PIGB: variants seen among roughly 807,000 people sequenced by gnomAD.
PIGB encodes phosphatidylinositol glycan anchor biosynthesis class B.
Under a neutral mutation model 68.4 loss-of-function variants are expected in PIGB, and 58 were observed. That is an observed-to-expected ratio of 0.85 (90% confidence interval 0.69 to 1.06). The LOEUF is 1.06. PIGB is among the 50% of genes least tolerant of loss of function. The pLI, the probability that PIGB is intolerant of heterozygous loss-of-function variation, is 0.00. For missense variants in PIGB, 634 were observed against 655.8 expected, an observed-to-expected ratio of 0.97 and a Z score of 0.36; for synonymous variants, 219 against 220.5, an observed-to-expected ratio of 0.99 and a Z score of 0.06.
intron 10 of PIGB, among the ~76,000 whole-genome samples, chr15:55,352,051 C>T (rs1159830794): frequency 2.0e-5 from 3 of 150,168 alleles, no homozygotes; most frequent in African/African-American, 7.3e-5. Flanking sequence ...CGGGTTCAAG[C>T]GATTCTCCTG....
At chr15:55,319,599 A>C in intron 1 of PIGB, 186 bp downstream of exon 1, 1 of 535,746 alleles carries the variant, frequency 1.9e-6, no homozygotes, top group Non-Finnish European at 3.2e-6. Context: ...AACTAAATTC[A>C]ATTTTTTAAA....
rs768711238 is a variant in PIGB at position 55,340,760 on chromosome 15, AT to A, written c.996del (p.Leu333Ter). On this transcript the variant is annotated frameshift_variant, in exon 8 of 12. Transcript: ENST00000164305. LOFTEE classifies it high-confidence loss of function. ...THLPFFIHGC[Y>X]LAPKRYRILL... ...TTACCCTTCTTTATTCATGGCTGCT[AT>A]CTAGCACCAAAGAGATACCGGATAC... 6.2e-7 allele frequency: 1 copy of A among 1,611,296 alleles called. No individual in the cohort carries two copies. Among genetic ancestry groups the A allele is most frequent in the African/African-American group, 1.3e-5 (1 of 75,022 alleles).
At chr15:55,334,806 G>A (rs1042188520) in intron 6 of PIGB, among the ~76,000 whole-genome samples, 2 of 152,100 alleles carry the variant, frequency 1.3e-5, no homozygotes, top group African/African-American at 4.8e-5. Context: ...TGCAGCCTCC[G>A]CCTCCCAGGT....
intron 5 of PIGB, among the ~76,000 whole-genome samples, chr15:55,332,184 A>T (rs186392443): frequency 3.3e-5 from 5 of 151,774 alleles, no homozygotes; most frequent in Non-Finnish European, 5.9e-5. Flanking sequence ...CATGTTGGCC[A>T]GGCTGGTCTT....
At chr15:55,354,001 A>AAATAAAAAAAAAAAAAAAC (rs2056000172) in intron 10 of PIGB, among the ~76,000 whole-genome samples, 1 of 151,856 alleles carries the variant, frequency 6.6e-6, no homozygotes, top group Admixed American at 6.6e-5. Context: ...TCTTAAATAA[A>AAATAAAAAAAAAAAAAAAC]AAAAAAAAAC....
At position 55,322,131 on chromosome 15, in the gene PIGB, G is replaced by A. The variant is rs969261969; in HGVS notation, c.417+741G>A. Among the ~76,000 whole-genome samples, 17 of 151,884 alleles carry A rather than the reference G, an allele frequency of 1.1e-4. No individual in the cohort carries two copies. The East Asian group carries it at 2.8e-3, about 25-fold the overall frequency. On this transcript the variant is annotated intron_variant, in intron 3 of 11. Transcript: ENST00000164305. The stretch of plus-strand genomic sequence containing the variant: ...GGAGGTTGCGGTGAGCCGAGATCAC[G>A]CCATTGCATTCTAGCCTGGGCAACA...
intron 3 of PIGB, among the ~76,000 whole-genome samples, chr15:55,326,455 GA>G (rs1360518756): frequency 1.3e-5 from 2 of 151,968 alleles, no homozygotes; most frequent in Non-Finnish European, 2.9e-5. Flanking sequence ...TGACTCAGAA[GA>G]TTGTTAGGAC....
At chr15:55,349,444 C>A in intron 9 of PIGB, 1 of 152,264 alleles carries the variant, frequency 6.6e-6, no homozygotes, top group South Asian at 2.1e-4. Flanking sequence ...TATTTTATTT[C>A]AAATAAAGCT....
rs559357250 is a variant in PIGB, at chr15:55,352,525, G to A, written c.1337+1613G>A. 3.3e-5 allele frequency among the ~76,000 whole-genome samples: 5 copies of A among 152,232 alleles called. No individual in the cohort carries two copies. In the South Asian group the frequency reaches 6.2e-4, roughly 19 times the overall value. On this transcript the variant is annotated intron_variant, in intron 10 of 11. Coordinates refer to ENST00000164305, the MANE Select transcript of PIGB (RefSeq NM_004855.5). ...TACCAGGCTGGGCGTTGTGGCTCAC[G>A]CCTGTAATCCTAGCACTTTGTGAGG...
chr15:55,345,301 A>T (rs191219998), intron 9 of PIGB, among the ~76,000 whole-genome samples: 1 of 152,282 alleles, frequency 6.6e-6, no homozygotes, highest in East Asian at 1.9e-4. Context: ...CCTCTCCCCA[A>T]AAACAATCAG....
At chr15:55,321,810 G>A (rs2141160818) in intron 3 of PIGB, among the ~76,000 whole-genome samples, 1 of 149,438 alleles carries the variant, frequency 6.7e-6, no homozygotes, top group South Asian at 2.1e-4. Context: ...GCACCACCAT[G>A]CCCGGCTAAT....
Position 55,339,105 on chromosome 15 carries a change from T to G in PIGB, c.795-162T>G, listed in dbSNP as rs562071249. Among the ~76,000 whole-genome samples, 19 of 152,362 alleles carry G rather than the reference T, an allele frequency of 1.2e-4. No homozygotes were observed. In the South Asian group the frequency reaches 3.7e-3, roughly 30 times the overall value. On this transcript the variant is annotated intron_variant, in intron 6 of 11. Coordinates refer to ENST00000164305, the MANE Select transcript of PIGB (RefSeq NM_004855.5). ...ATATAATCTTATCTACTGATCTTTT[T>G]CAGTAGATACCTTTCAAAATGTGTA...
chr15:55,342,039 C>G (rs1473551401), intron 9 of PIGB, among the ~76,000 whole-genome samples: 1 of 152,106 alleles, frequency 6.6e-6, no homozygotes, highest in African/African-American at 2.4e-5. Context: ...CACTTTTAAT[C>G]CCAGCTACTC....
intron 9 of PIGB, chr15:55,350,390 G>T (rs576937687): frequency 7.2e-5 from 23 of 320,252 alleles, no homozygotes; most frequent in African/African-American, 4.7e-4. Context: ...ACTTGAATAA[G>T]GTACTATTAT....
Position 55,319,236 on chromosome 15 carries a change from A to C in PIGB, c.-15A>C, listed in dbSNP as rs772282377. On this transcript the variant is annotated 5_prime_UTR_variant, in exon 1 of 12. Coordinates refer to ENST00000164305, the MANE Select transcript of PIGB (RefSeq NM_004855.5). ...ACTGCAGCTTTCTTCCGCCTTAGGA[A>C]GGTGGCGGCCAGGGATGAGGAGGCC... is the stretch of plus-strand genomic sequence containing the variant. 2.5e-6 allele frequency: 4 copies of C among 1,600,116 alleles called. No homozygotes were observed. Among genetic ancestry groups the C allele is most frequent in the Non-Finnish European group, 3.4e-6 (4 of 1,173,742 alleles).
chr15:55,347,377 G>A (rs1427403840), intron 9 of PIGB, among the ~76,000 whole-genome samples: 1 of 152,188 alleles, frequency 6.6e-6, no homozygotes, highest in Non-Finnish European at 1.5e-5. Context: ...CAGTGAGCCG[G>A]TATCATGCCA....
In PIGB at chr15:55,319,243, G is replaced by C; in HGVS notation, c.-8G>C. 6.2e-7 allele frequency: 1 copy of C among 1,602,172 alleles called. No homozygotes were observed. Among genetic ancestry groups the C allele is most frequent in the Non-Finnish European group, 8.5e-7 (1 of 1,174,920 alleles). On this transcript the variant is annotated 5_prime_UTR_variant, in exon 1 of 12. Coordinates refer to ENST00000164305, the MANE Select transcript of PIGB (RefSeq NM_004855.5). ...CTTTCTTCCGCCTTAGGAAGGTGGCGGCCAGGGATGAGGAGGCCCCTAAGC... is the reference window on the plus strand; with the variant it reads ...CTTTCTTCCGCCTTAGGAAGGTGGCCGCCAGGGATGAGGAGGCCCCTAAGC...
intron 4 of PIGB, 149 bp from the exon 5 acceptor site, chr15:55,329,575 G>A (rs776143357): frequency 3.1e-5 from 17 of 545,920 alleles, no homozygotes; most frequent in Non-Finnish European, 4.7e-5. Context: ...TTCTAAAAAC[G>A]ACGTTTGGGC....
chr15:55,342,988 GA>G (rs2055706315), intron 9 of PIGB, among the ~76,000 whole-genome samples: 1 of 151,744 alleles, frequency 6.6e-6, no homozygotes, highest in Non-Finnish European at 1.5e-5. Context: ...CTGGAGGCTG[GA>G]AAAAACCTAG....
Sources: gnomAD v4.1 joint callset for allele counts (sites outside exome capture counted in the v4.1 genomes callset) on GRCh38, gnomAD v4.1.1 for gene constraint, MANE v1.5 for transcripts, NCBI Gene and HGNC (gene_info 2026-07-23, HGNC 2026-07-21) for gene names.